Variants in SDC2 observed in about 807,000 individuals in gnomAD.
SDC2 encodes the protein syndecan 2, also known as syndecan-2.
A neutral mutation model predicts 22.2 loss-of-function variants in SDC2; 13 were observed. That is an observed-to-expected ratio of 0.59 (90% confidence interval 0.38 to 0.93). The LOEUF is 0.93. Ranked by LOEUF, SDC2 falls within the 40% of genes least tolerant of loss-of-function variation. The probability of loss-of-function intolerance (pLI) is 0.00; values close to 1 mark genes in which losing one functional copy is unlikely to be tolerated. For missense variants in SDC2, 235 were observed against 246.8 expected, an observed-to-expected ratio of 0.95 and a Z score of 0.32; for synonymous variants, 94 against 92.8, an observed-to-expected ratio of 1.01 and a Z score of -0.07.
intron 1 of SDC2, among the ~76,000 whole-genome samples, chr8:96,584,773 C>T (rs890045298): frequency 2.0e-5 from 3 of 152,192 alleles, no homozygotes; most frequent in Non-Finnish European, 4.4e-5. Flanking sequence ...TCTCGCTTCT[C>T]TCTGTTTGAT....
intron 1 of SDC2, among the ~76,000 whole-genome samples, chr8:96,529,735 G>A (rs1052165807): frequency 1.3e-5 from 2 of 152,150 alleles, no homozygotes; most frequent in South Asian, 4.1e-4. Context: ...CCCTCCTTCA[G>A]TGCTTTCTTC....
intron 1 of SDC2, among the ~76,000 whole-genome samples, chr8:96,533,885 A>G (rs1446129120): frequency 6.6e-6 from 1 of 152,196 alleles, no homozygotes; most frequent in Non-Finnish European, 1.5e-5. Flanking sequence ...ACCAGGTGCC[A>G]TGGAGCAGGG....
At chr8:96,607,853 A>T (rs1815108693) in intron 3 of SDC2, among the ~76,000 whole-genome samples, 1 of 152,086 alleles carries the variant, frequency 6.6e-6, no homozygotes, top group Non-Finnish European at 1.5e-5. Context: ...AGGCTTGGGG[A>T]TTGCTCCCCA....
chr8:96,535,829 C>T (rs952042145), intron 1 of SDC2, among the ~76,000 whole-genome samples: 6 of 152,144 alleles, frequency 3.9e-5, no homozygotes, highest in African/African-American at 1.4e-4. Flanking sequence ...ACAAAGAAGC[C>T]TGCCTTAGAG....
chr8:96,577,099 G>A (rs376514662), intron 1 of SDC2, among the ~76,000 whole-genome samples: 29 of 152,170 alleles, frequency 1.9e-4, no homozygotes, highest in African/African-American at 6.3e-4. Flanking sequence ...CTGGCATCTT[G>A]CTTTCTTGCT....
intron 1 of SDC2, among the ~76,000 whole-genome samples, chr8:96,590,748 C>A (rs1286569614): frequency 6.6e-6 from 1 of 152,094 alleles, no homozygotes; most frequent in East Asian, 1.9e-4. Context: ...TTGGTAATTT[C>A]TCCTATGTTC....
chr8:96,576,217 G>A (rs1586309363), intron 1 of SDC2, among the ~76,000 whole-genome samples: 1 of 151,906 alleles, frequency 6.6e-6, no homozygotes, highest in East Asian at 1.9e-4. Context: ...GGTCCCATTA[G>A]TGATTAATAC....
At chr8:96,502,337 A>G (rs924445205) in intron 1 of SDC2, among the ~76,000 whole-genome samples, 1 of 152,148 alleles carries the variant, frequency 6.6e-6, no homozygotes, top group African/African-American at 2.4e-5. Flanking sequence ...AAATATGGGG[A>G]TTATTACAGT....
intron 1 of SDC2, among the ~76,000 whole-genome samples, chr8:96,579,850 A>G (rs1032858285): frequency 6.6e-6 from 1 of 152,242 alleles, no homozygotes; most frequent in African/African-American, 2.4e-5. Flanking sequence ...TTTGAATATA[A>G]CATTTTAATT....
intron 1 of SDC2, among the ~76,000 whole-genome samples, chr8:96,496,310 A>G (rs999880919): frequency 1.3e-5 from 2 of 152,194 alleles, no homozygotes; most frequent in Non-Finnish European, 2.9e-5. Flanking sequence ...TGGGGTTCTA[A>G]TATTTCTCAA....
At chr8:96,514,239 A>G (rs972123332) in intron 1 of SDC2, among the ~76,000 whole-genome samples, 2 of 152,160 alleles carry the variant, frequency 1.3e-5, no homozygotes, top group Admixed American at 6.5e-5. Flanking sequence ...ACACTTGACT[A>G]TCTGGTTTGA....
intron 1 of SDC2, among the ~76,000 whole-genome samples, chr8:96,575,885 A>G (rs1814479640): frequency 6.6e-6 from 1 of 152,200 alleles, no homozygotes; most frequent in South Asian, 2.1e-4. Context: ...GTTTGCAAGT[A>G]GCTCTGATAA....
At position 96,573,357 on chromosome 8, in the gene SDC2, C is replaced by G. The variant is rs568690084; in HGVS notation, c.61-20123C>G. Reference sequence around the variant, plus strand: ...AGTGCCAGGACCCCAAATTAGAAACCTGGGTGCTGTGCTTACACTTCATGT... The same window carrying G: ...AGTGCCAGGACCCCAAATTAGAAACGTGGGTGCTGTGCTTACACTTCATGT... On this transcript the variant is annotated intron_variant, in intron 1 of 4. Coordinates refer to ENST00000302190, the MANE Select transcript of SDC2 (RefSeq NM_002998.4). Among the ~76,000 whole-genome samples, 11 of 152,254 alleles carry G rather than the reference C, an allele frequency of 7.2e-5. 1 individual carries two copies. The South Asian group carries it at 2.3e-3, about 32-fold the overall frequency.
At chr8:96,497,150 C>T (rs1813089471) in intron 1 of SDC2, among the ~76,000 whole-genome samples, 3 of 150,940 alleles carry the variant, frequency 2.0e-5, no homozygotes, top group Admixed American at 2.0e-4. Flanking sequence ...ACTGTCAAGT[C>T]ATTTGGGCCC....
At chr8:96,594,040 A>G (rs935805751) in intron 2 of SDC2, among the ~76,000 whole-genome samples, 1 of 152,224 alleles carries the variant, frequency 6.6e-6, no homozygotes, top group Non-Finnish European at 1.5e-5. Flanking sequence ...AGATGAGACC[A>G]AGAAGTTAAT....
intron 2 of SDC2, among the ~76,000 whole-genome samples, chr8:96,598,211 C>T (rs1375359571): frequency 6.6e-6 from 1 of 152,184 alleles, no homozygotes; most frequent in South Asian, 2.1e-4. Flanking sequence ...GCCCCCATGA[C>T]CTGCTCATCT....
At chr8:96,559,013 G>C (rs1404143604) in intron 1 of SDC2, among the ~76,000 whole-genome samples, 1 of 152,146 alleles carries the variant, frequency 6.6e-6, no homozygotes, top group Non-Finnish European at 1.5e-5. Flanking sequence ...TTTTTAGACT[G>C]TTTTTACATG....
At chr8:96,538,881 G>A (rs1017061102) in intron 1 of SDC2, 2 of 152,200 alleles carry the variant, frequency 1.3e-5, no homozygotes, top group Non-Finnish European at 2.9e-5. Flanking sequence ...TTGCCTTCTG[G>A]ACGTAGTCCT....
chr8:96,556,311 G>T (rs1169820257), intron 1 of SDC2, among the ~76,000 whole-genome samples: 1 of 82,764 alleles, frequency 1.2e-5, no homozygotes, highest in African/African-American at 4.6e-5. Context: ...CCCCTCCCCC[G>T]CCCCACACAC....
Sources: allele counts gnomAD v4.1 joint callset (sites outside exome capture counted in the v4.1 genomes callset), GRCh38; gene constraint gnomAD v4.1.1; transcripts MANE v1.5; gene names NCBI Gene and HGNC (gene_info 2026-07-23, HGNC 2026-07-21).